NCS1: variants seen among roughly 807,000 people sequenced by gnomAD.
NCS1 encodes the protein frequenin homolog.
In NCS1, 6 loss-of-function variants were observed where a neutral mutation model predicts 28.4. The ratio of observed to expected loss-of-function variants is 0.21; its 90% CI spans 0.12 to 0.42. NCS1 has a LOEUF of 0.42. Among genes scored for constraint, NCS1 ranks in the 10% least tolerant of loss-of-function variants. NCS1 has a pLI of 1.00. For synonymous variants in NCS1, 86 were observed against 99.3 expected (o/e 0.87, Z 0.79); for missense variants, 131 against 241.4 (o/e 0.54, Z 3.03).
intron 2 of NCS1, among the ~76,000 whole-genome samples, chr9:130,206,726 C>G (rs1163119543): frequency 1.3e-5 from 2 of 152,096 alleles, no homozygotes; most frequent in Non-Finnish European, 2.9e-5. Context: ...TTGTTCTGAA[C>G]AACTCTCAGG....
chr9:130,225,862 G>A (rs545055132), intron 6 of NCS1, among the ~76,000 whole-genome samples: 3 of 152,242 alleles, frequency 2.0e-5, no homozygotes, highest in East Asian at 3.9e-4. Flanking sequence ...ATGCTCCGGG[G>A]AAGGGATTCT....
intron 7 of NCS1, among the ~76,000 whole-genome samples, chr9:130,227,709 A>T (rs986815245): frequency 3.9e-5 from 6 of 152,144 alleles, no homozygotes; most frequent in Admixed American, 2.0e-4. Flanking sequence ...CTCATTTGTG[A>T]TGTGCTAGGT....
At chr9:130,212,277 C>A (rs1255759633) in intron 2 of NCS1, among the ~76,000 whole-genome samples, 3 of 152,100 alleles carry the variant, frequency 2.0e-5, no homozygotes. Context: ...CAGAGACCAT[C>A]TGGTCCAGTG....
intron 2 of NCS1, among the ~76,000 whole-genome samples, chr9:130,207,160 A>AC (rs1833034907): frequency 1.3e-5 from 2 of 152,190 alleles, no homozygotes; most frequent in Admixed American, 6.5e-5. Context: ...CAGTGGTGCC[A>AC]CAGCCTCGGC....
intron 1 of NCS1, among the ~76,000 whole-genome samples, chr9:130,189,528 ACTC>A (rs1832786269): frequency 6.6e-6 from 1 of 151,178 alleles, no homozygotes; most frequent in Non-Finnish European, 1.5e-5. Context: ...TCTTGAGAAA[ACTC>A]CACACACCCA....
intron 2 of NCS1, among the ~76,000 whole-genome samples, chr9:130,206,439 C>T (rs1554908098): frequency 1.4e-5 from 2 of 142,672 alleles, no homozygotes; most frequent in African/African-American, 5.3e-5. Context: ...GATGGAGTCT[C>T]ACTCGGTCGC....
chr9:130,196,857 C>T (rs1268236591), intron 1 of NCS1, among the ~76,000 whole-genome samples: 1 of 152,344 alleles, frequency 6.6e-6, no homozygotes. Flanking sequence ...GCTGGCCCAG[C>T]GACAGCCATG....
At chr9:130,221,432 A>C (rs1350133628) in intron 4 of NCS1, among the ~76,000 whole-genome samples, 3 of 137,914 alleles carry the variant, frequency 2.2e-5, no homozygotes, top group African/African-American at 7.9e-5. Context: ...AGAGAGAGAG[A>C]GAGAGAGAGA....
chr9:130,225,491 C>G (rs1350027690), intron 6 of NCS1, among the ~76,000 whole-genome samples: 1 of 152,266 alleles, frequency 6.6e-6, no homozygotes, highest in Non-Finnish European at 1.5e-5. Context: ...CTTACTGTCC[C>G]CCTGTCTGCA....
In NCS1 at chr9:130,186,968, G is replaced by A. The variant is rs1259637765; in HGVS notation, c.65-13990G>A. 6.6e-6 allele frequency among the ~76,000 whole-genome samples: 1 copy of A among 152,204 alleles called. No homozygotes were observed. The highest frequency in any genetic ancestry group is 2.4e-5 in the African/African-American group (1 of 41,450). ...GAAGCAGATCCGCGGAAGTCCCTTG[G>A]CCTCTCCAAGCTTCGGTTTCCTGGT... is the stretch of plus-strand genomic sequence containing the variant. On this transcript the variant is annotated intron_variant, in intron 1 of 7. Coordinates refer to ENST00000372398, the MANE Select transcript of NCS1 (RefSeq NM_014286.4). The surrounding 1 kb of genome is among the most constrained non-coding windows in gnomAD (Gnocchi z 4.1).
chr9:130,176,248 A>G (rs1554904647), intron 1 of NCS1, among the ~76,000 whole-genome samples: 2 of 136,582 alleles, frequency 1.5e-5, no homozygotes. Flanking sequence ...ACTGGAGTGC[A>G]ATGGTGCAAT....
At chr9:130,179,617 GT>G (rs1367074013) in intron 1 of NCS1, among the ~76,000 whole-genome samples, 5 of 152,190 alleles carry the variant, frequency 3.3e-5, no homozygotes, top group Admixed American at 6.5e-5. Flanking sequence ...GGCTGTTCCA[GT>G]TTACATTTTC....
At chr9:130,220,670 A>G (rs969232981) in intron 4 of NCS1, among the ~76,000 whole-genome samples, 1 of 151,992 alleles carries the variant, frequency 6.6e-6, no homozygotes, top group Non-Finnish European at 1.5e-5. Context: ...AGCTGGCCAG[A>G]ACTCCCTGCT....
Position 130,174,801 on chromosome 9 carries a change from A to G in NCS1, c.64+2074A>G, listed in dbSNP as rs889463414. Among the ~76,000 whole-genome samples, 5 of 151,372 alleles carry G rather than the reference A, an allele frequency of 3.3e-5. 1 individual carries two copies. The highest frequency in any genetic ancestry group is 1.3e-4 in the Admixed American group (2 of 15,190). ...GGAAACTCTGTCTCCAAAAAAAAAA[A>G]AAAAAAGCTCTGCTGGGTGTCTTTT... On this transcript the variant is annotated intron_variant, in intron 1 of 7. Transcript: ENST00000372398.
In NCS1 at chr9:130,172,609, G is replaced by T; in HGVS notation, c.-55G>T. 8.7e-7 allele frequency: 1 copy of T among 1,150,466 alleles called. No individual in the cohort carries two copies. The highest frequency in any genetic ancestry group is 1.1e-6 in the Non-Finnish European group (1 of 879,868). 71.3% of individuals were successfully genotyped at this position (1,150,466 alleles called of 1,614,324 possible). A position where few individuals can be genotyped will look rare whatever the true frequency, so the allele number is the denominator to read the frequency against. On this transcript the variant is annotated 5_prime_UTR_variant, in exon 1 of 8. Coordinates refer to ENST00000372398, the MANE Select transcript of NCS1 (RefSeq NM_014286.4). ...CGGCCCGCCCGGCCCAGCCGCTCCTGCTGGGCGCCCCAACCGGGTCCGGCC... is the reference window on the plus strand; with the variant it reads ...CGGCCCGCCCGGCCCAGCCGCTCCTTCTGGGCGCCCCAACCGGGTCCGGCC...
At chr9:130,211,388 T>C (rs1833110052) in intron 2 of NCS1, among the ~76,000 whole-genome samples, 1 of 151,322 alleles carries the variant, frequency 6.6e-6, no homozygotes, top group Non-Finnish European at 1.5e-5. Context: ...CCCCTGACCA[T>C]GCTGAGCACC....
chr9:130,203,136 A>ATATATATATATATATATAT (rs1471670630), intron 2 of NCS1, among the ~76,000 whole-genome samples: 1 of 108,456 alleles, frequency 9.2e-6, no homozygotes, highest in African/African-American at 3.5e-5. Flanking sequence ...ATATATATAT[A>ATATATATATATATATATAT]TTTTTTTTTT....
intron 2 of NCS1, among the ~76,000 whole-genome samples, chr9:130,209,000 C>G (rs1833072284): frequency 6.6e-6 from 1 of 152,090 alleles, no homozygotes; most frequent in Admixed American, 6.6e-5. Context: ...CCGGAGGCTA[C>G]TGGGGGGAAG....
At chr9:130,198,798 T>G (rs782445268) in intron 1 of NCS1, among the ~76,000 whole-genome samples, 31 of 152,164 alleles carry the variant, frequency 2.0e-4, no homozygotes, top group Non-Finnish European at 3.2e-4. Context: ...CTGGTCTGGC[T>G]TTAGCACCTG....
Sources: allele counts gnomAD v4.1 joint callset (sites outside exome capture counted in the v4.1 genomes callset), GRCh38; gene constraint gnomAD v4.1.1; non-coding constraint Gnocchi (gnomAD v3.1); transcripts MANE v1.5; gene names NCBI Gene and HGNC (gene_info 2026-07-23, HGNC 2026-07-21).